Variants in RAB37 observed in about 807,000 individuals in gnomAD.
RAB37 encodes the protein RAB37, member RAS oncogene family.
RAB37 carries 29 observed loss-of-function variants against 33.1 expected under a neutral mutation model. The ratio of observed to expected loss-of-function variants is 0.88; its 90% CI spans 0.65 to 1.20. RAB37 has a LOEUF of 1.20. Ranked by LOEUF, RAB37 falls within the 50% of genes most tolerant of loss-of-function variation. The pLI, the probability that RAB37 is intolerant of heterozygous loss-of-function variation, is 0.00. For synonymous variants in RAB37, 128 were observed against 119.5 expected, an observed-to-expected ratio of 1.07 and a Z score of -0.47; for missense variants, 299 against 301.1, an observed-to-expected ratio of 0.99 and a Z score of 0.05.
In RAB37 at chr17:74,742,271, G is replaced by A. The variant is rs769056035; in HGVS notation, c.222G>A (p.Val74=). 1.2e-6 allele frequency: 2 copies of A among 1,613,374 alleles called. No homozygotes were observed. Among genetic ancestry groups the A allele is most frequent in the Non-Finnish European group, 1.7e-6 (2 of 1,179,568 alleles). ...GIDFRNKVVT[V]DGVRVKLQIW... ...TCTTTCAGAACAAGGTGGTGACTGT[G>A]GATGGCGTGAGAGTGAAGCTGCAGG... Residue 74 remains valine (V), a synonymous_variant, in exon 3 of 9, where the codon GTG becomes GTA. Transcript: ENST00000392613. This position sits in a 1 kb window ranked among gnomAD's most constrained non-coding sequence, Gnocchi z 4.0.
intron 1 of RAB37, among the ~76,000 whole-genome samples, 153 bp from the exon 2 acceptor site, chr17:74,740,615 G>A (rs2034588639): frequency 6.6e-6 from 1 of 152,156 alleles, no homozygotes; most frequent in Non-Finnish European, 1.5e-5. Flanking sequence ...ACAGGGTGAA[G>A]ATGGCGGCTG....
Position 74,746,162 on chromosome 17 carries a change from C to G in RAB37, c.*751C>G, listed in dbSNP as rs1290358324. ...GGGAGCCCCTCCCCCCCCTGAATCCCTGGCTTAGCTACCTTCCTGCCTGTG... is the reference window on the plus strand; with the variant it reads ...GGGAGCCCCTCCCCCCCCTGAATCCGTGGCTTAGCTACCTTCCTGCCTGTG... On this transcript the variant is annotated 3_prime_UTR_variant, in exon 9 of 9. Transcript: ENST00000392613. The surrounding 1 kb of genome is among the most constrained non-coding windows in gnomAD (Gnocchi z 5.2). The G allele has an allele frequency of 6.6e-6, 1 of 152,232 alleles. No individual in the cohort carries two copies. The highest frequency in any genetic ancestry group is 2.4e-5 in the African/African-American group (1 of 41,442). 9.4% of individuals were successfully genotyped at this position (152,232 alleles called of 1,614,324 possible).
intron 1 of RAB37, among the ~76,000 whole-genome samples, chr17:74,717,035 T>C (rs1450397542): frequency 6.6e-6 from 1 of 152,172 alleles, no homozygotes; most frequent in Non-Finnish European, 1.5e-5. Context: ...CTCAGGAGGC[T>C]GAGGCAGGAG....
Position 74,671,618 on chromosome 17 carries a change from G to T in RAB37, c.32G>T (p.Gly11Val). Residue 11 changes from glycine to valine, a missense_variant, in exon 1 of 8, where the codon GGA (glycine) becomes GTA (valine). Coordinates refer to the RAB37 transcript ENST00000340415. This position sits in a 1 kb window ranked among gnomAD's most constrained non-coding sequence, Gnocchi z 5.0. ...CTGCAGAGACCCGATTCCTACCAGG[G>T]AGGAGCTGGCCCTGACTTCAACGAC... The T allele has an allele frequency of 1.2e-6, 2 of 1,614,230 alleles. No individual in the cohort carries two copies. The highest frequency in any genetic ancestry group is 1.1e-5 in the South Asian group (1 of 91,086).
intron 1 of RAB37, among the ~76,000 whole-genome samples, chr17:74,726,143 A>G (rs2034303602): frequency 1.3e-5 from 2 of 151,686 alleles, no homozygotes; most frequent in East Asian, 2.0e-4. Flanking sequence ...GCTGAGGCAG[A>G]AGAATAGCTT....
At chr17:74,723,423 T>C (rs556569448) in intron 1 of RAB37, among the ~76,000 whole-genome samples, 6 of 146,620 alleles carry the variant, frequency 4.1e-5, no homozygotes, top group Admixed American at 4.1e-4. Flanking sequence ...CTTCTCGTAC[T>C]TGTGGGTTTG....
chr17:74,682,723 G>A (rs150549034), intron 1 of RAB37, among the ~76,000 whole-genome samples: 1,678 of 152,298 alleles, frequency 0.011, 25 homozygotes, highest in Non-Finnish European at 0.019. Context: ...TGACCAACAT[G>A]GGGAAACCCC....
At chr17:74,694,170 T>C (rs1174000107) in intron 1 of RAB37, 3 of 152,114 alleles carry the variant, frequency 2.0e-5, no homozygotes, top group African/African-American at 4.8e-5. Context: ...TCTCTGTCTG[T>C]AAAAAGGGGA....
At position 74,745,077 on chromosome 17, in the gene RAB37, A is replaced by G. The variant is rs746225239; in HGVS notation, c.559A>G (p.Ile187Val). The G allele has an allele frequency of 6.8e-6, 11 of 1,614,048 alleles. No homozygotes were observed. Among genetic ancestry groups the G allele is most frequent in the African/African-American group, 4.0e-5 (3 of 74,962 alleles). The change falls in exon 8 of 9, where the codon ATC becomes GTC. Residue 187 changes from isoleucine (I) to valine (V), a missense_variant. Ile to Val is a conservative substitution (Grantham distance 29, BLOSUM62 3). Transcript: ENST00000392613. This position sits in a 1 kb window ranked among gnomAD's most constrained non-coding sequence, Gnocchi z 4.5. Reference protein sequence around the residue: ...GMNVELAFLAIAKELKYRAGH... With the variant: ...GMNVELAFLAVAKELKYRAGH... Reference sequence around the variant, plus strand: ...GAATGTGGAGTTAGCCTTTCTGGCCATCGCCAAGTGAGAGCTGGGCAGGGA... The same window carrying G: ...GAATGTGGAGTTAGCCTTTCTGGCCGTCGCCAAGTGAGAGCTGGGCAGGGA...
chr17:74,715,970 C>T (rs2034160121), intron 1 of RAB37, among the ~76,000 whole-genome samples: 1 of 152,154 alleles, frequency 6.6e-6, no homozygotes, highest in South Asian at 2.1e-4. Flanking sequence ...GCAGAGGTTG[C>T]AGTAAGCCGA....
chr17:74,742,329 T>C lies in RAB37; in HGVS notation c.246+34T>C, dbSNP rs767447467. 1.3e-6 allele frequency: 2 copies of C among 1,542,020 alleles called. No individual in the cohort carries two copies. Among genetic ancestry groups the C allele is most frequent in the South Asian group, 1.1e-5 (1 of 88,318 alleles). ...AGAGGCTGGAGTTGGGGAGGGAGGA[T>C]GGAGGACCTGCCCTTCCTTCTCACC... On this transcript the variant is annotated intron_variant, in intron 3 of 8. Coordinates refer to ENST00000392613, the MANE Select transcript of RAB37 (RefSeq NM_001006638.3). The surrounding 1 kb of genome is among the most constrained non-coding windows in gnomAD (Gnocchi z 4.0).
chr17:74,699,116 G>A (rs1395566248), intron 1 of RAB37, among the ~76,000 whole-genome samples: 1 of 152,008 alleles, frequency 6.6e-6, no homozygotes, highest in East Asian at 1.9e-4. Context: ...ACAGGATTTT[G>A]CCATGTAAGC....
Position 74,703,162 on chromosome 17 carries a change from G to A in RAB37, c.73-26094G>A, listed in dbSNP as rs766305883. 6.2e-6 allele frequency: 10 copies of A among 1,601,192 alleles called. No individual in the cohort carries two copies. The East Asian group carries it at 1.1e-4, about 18-fold the overall frequency. On this transcript the variant is annotated intron_variant, in intron 1 of 7. Coordinates refer to the RAB37 transcript ENST00000340415. ...GTCGACGCTGTAGTTGATGCTTGGT[G>A]TATAAACCAGATCACAGATGCCCCT... is the stretch of plus-strand genomic sequence containing the variant.
chr17:74,708,642 C>T (rs1035319771), intron 1 of RAB37, among the ~76,000 whole-genome samples: 1 of 152,210 alleles, frequency 6.6e-6, no homozygotes. Context: ...GGAGGCTGGA[C>T]GCGGTGGCTT....
chr17:74,724,254 C>G (rs114505891), intron 1 of RAB37, among the ~76,000 whole-genome samples: 2 of 152,086 alleles, frequency 1.3e-5, no homozygotes, highest in Non-Finnish European at 2.9e-5. Flanking sequence ...TCTGGAAAGG[C>G]GGGACAACTC....
chr17:74,699,437 AG>A (rs1300329478), intron 1 of RAB37, among the ~76,000 whole-genome samples: 1 of 152,114 alleles, frequency 6.6e-6, no homozygotes, highest in East Asian at 1.9e-4. Context: ...AGTTAAGATG[AG>A]GTCATAGTTG....
chr17:74,736,954 C>T, upstream of RAB37: 4 of 1,528,982 alleles, frequency 2.6e-6, no homozygotes, highest in Admixed American at 8.4e-5. Flanking sequence ...GGGGTCCCCG[C>T]GGCCCGCTCC....
intron 1 of RAB37, chr17:74,695,808 G>T (rs1328514572): frequency 1.1e-5 from 17 of 1,614,058 alleles, no homozygotes; most frequent in Non-Finnish European, 1.4e-5. Flanking sequence ...GTTCCGGCCA[G>T]CTGCAGGGTC....
rs2034630560 is a variant in RAB37 at position 74,742,001 on chromosome 17, G to A, written c.205-253G>A. Among the ~76,000 whole-genome samples the A allele has an allele frequency of 6.6e-6, 1 of 152,218 alleles. No individual in the cohort carries two copies. The highest frequency in any genetic ancestry group is 2.4e-5 in the African/African-American group (1 of 41,448). On this transcript the variant is annotated intron_variant, in intron 2 of 8. Coordinates refer to ENST00000392613, the MANE Select transcript of RAB37 (RefSeq NM_001006638.3). The surrounding 1 kb of genome is among the most constrained non-coding windows in gnomAD (Gnocchi z 4.0). ...CTGGGCTGCCTGATCCCTGGAGAGAGCCAGGATGTTTCTCAGGCTCCTCTT... is the reference window on the plus strand; with the variant it reads ...CTGGGCTGCCTGATCCCTGGAGAGAACCAGGATGTTTCTCAGGCTCCTCTT...
Sources: allele counts gnomAD v4.1 joint callset (sites outside exome capture counted in the v4.1 genomes callset), GRCh38; gene constraint gnomAD v4.1.1; non-coding constraint Gnocchi (gnomAD v3.1); transcripts MANE v1.5; gene names NCBI Gene and HGNC (gene_info 2026-07-23, HGNC 2026-07-21).